The following HNRNPD variants were observed in gnomAD, a reference collection of about 807,000 sequenced individuals.
HNRNPD encodes heterogeneous nuclear ribonucleoprotein D0.
Under a neutral mutation model 47.9 loss-of-function variants are expected in HNRNPD, and 3 were observed. The ratio of observed to expected loss-of-function variants is 0.06; its 90% confidence interval spans 0.03 to 0.16. HNRNPD has a LOEUF of 0.16. HNRNPD is among the 10% of genes least tolerant of loss of function. The probability of loss-of-function intolerance (pLI) is 1.00; values close to 1 mark genes in which losing one functional copy is unlikely to be tolerated. For synonymous variants in HNRNPD, 171 were observed against 165.1 expected (o/e 1.04, Z -0.28); for missense variants, 287 against 454.2 (o/e 0.63, Z 3.35).
intron 1 of HNRNPD, among the ~76,000 whole-genome samples, chr4:82,372,135 TAC>T (rs1363985356): frequency 6.6e-6 from 1 of 151,596 alleles, no homozygotes; most frequent in African/African-American, 2.4e-5. Context: ...CCTTTCTCTT[TAC>T]AGTTAAAAAA....
chr4:82,352,802 CT>C lies in HNRNPD; in HGVS notation c.*1382del, dbSNP rs766113631. The stretch of plus-strand genomic sequence containing the variant: ...TCAATTTGGATCTATCATAAAAAAA[CT>C]TTAATAACACTAACTTTTGCTCATT... On this transcript the variant is annotated 3_prime_UTR_variant, in exon 9 of 9. Coordinates refer to ENST00000313899, the MANE Select transcript of HNRNPD (RefSeq NM_031370.3). 11 of 151,168 alleles carry C rather than the reference CT, an allele frequency of 7.3e-5. No individual in the cohort carries two copies. The highest frequency in any genetic ancestry group is 1.5e-4 in the Non-Finnish European group (10 of 67,818). 9.4% of individuals were successfully genotyped at this position (151,168 alleles called of 1,614,324 possible).
Position 82,356,524 on chromosome 4 carries a change from G to C in HNRNPD, c.1000+13C>G. The C allele has an allele frequency of 6.3e-7, 1 of 1,585,206 alleles. No homozygotes were observed. Among genetic ancestry groups the C allele is most frequent in the Non-Finnish European group, 8.6e-7 (1 of 1,156,486 alleles). ...TGTCAAATAGCAGTTAATATAAAAA[G>C]TATAGTACTTACTGCTATAATCACC... On this transcript the variant is annotated intron_variant, in intron 7 of 8. Transcript: ENST00000313899.
At chr4:82,373,332 T>G in intron 1 of HNRNPD, 114 bp downstream of exon 1, 1 of 1,336,442 alleles carries the variant, frequency 7.5e-7, no homozygotes. Context: ...GCAAGGAGGC[T>G]GCATGGGGGC....
chr4:82,365,820 G>A (rs989698213), intron 2 of HNRNPD, among the ~76,000 whole-genome samples: 1 of 110,826 alleles, frequency 9.0e-6, no homozygotes, highest in Non-Finnish European at 1.7e-5. Flanking sequence ...TCATCATGTT[G>A]CCCAGGCTGG....
At chr4:82,367,722 C>T (rs1365872) in intron 2 of HNRNPD, among the ~76,000 whole-genome samples, 8,986 of 152,172 alleles carry the variant, frequency 0.059, 334 homozygotes, top group African/African-American at 0.096. Flanking sequence ...GTCTTCCCTC[C>T]CCACCCCCAA....
Position 82,359,568 on chromosome 4 carries a change from C to A in HNRNPD, c.362G>T (p.Gly121Val). 6.2e-7 allele frequency: 1 copy of A among 1,603,806 alleles called. No individual in the cohort carries two copies. Among genetic ancestry groups the A allele is most frequent in the Non-Finnish European group, 8.5e-7 (1 of 1,172,064 alleles). ...KDLKDYFSKF[G>V]EVVDCTLKLD... is the part of the protein sequence containing the mutation. ...CTTCAGAGTGCAGTCTACAACTTCA[C>A]CAAATTTGGAAAAGTAGTCCTTCAG... is the stretch of plus-strand genomic sequence containing the variant. Residue 121 changes from glycine (G) to valine (V), a missense_variant, in exon 3 of 9, where the codon GGT becomes GTT. Physicochemically the swap from Gly to Val is moderately radical, Grantham distance 109. Transcript: ENST00000313899.
intron 2 of HNRNPD, among the ~76,000 whole-genome samples, chr4:82,361,472 T>C (rs1278373514): frequency 6.6e-6 from 1 of 152,200 alleles, no homozygotes; most frequent in Non-Finnish European, 1.5e-5. Context: ...ATTACAGAAA[T>C]TTCTCAATAA....
At chr4:82,355,192 TA>T in intron 8 of HNRNPD, 111 bp downstream of exon 8, 1 of 678,348 alleles carries the variant, frequency 1.5e-6, no homozygotes, top group Non-Finnish European at 2.6e-6. Context: ...TATAATATGG[TA>T]AGCACTTCTG....
intron 7 of HNRNPD, chr4:82,356,000 C>T (rs1467368834): frequency 1.3e-5 from 2 of 153,208 alleles, no homozygotes; most frequent in Non-Finnish European, 2.9e-5. Flanking sequence ...TACCTGACGA[C>T]TCAACAGTTG....
intron 2 of HNRNPD, among the ~76,000 whole-genome samples, chr4:82,366,705 C>G (rs777788250): frequency 1.3e-5 from 2 of 151,846 alleles, no homozygotes; most frequent in African/African-American, 4.8e-5. Context: ...TGACTACAGG[C>G]GCATGTAACC....
chr4:82,362,923 A>G (rs3972760), intron 2 of HNRNPD, among the ~76,000 whole-genome samples: 27,901 of 151,892 alleles, frequency 0.18, 2,832 homozygotes, highest in Non-Finnish European at 0.23. Context: ...TTATAGTACA[A>G]TGGGGAAAAG....
At chr4:82,362,072 G>T (rs1361502797) in intron 2 of HNRNPD, among the ~76,000 whole-genome samples, 3 of 152,098 alleles carry the variant, frequency 2.0e-5, no homozygotes, top group African/African-American at 7.2e-5. Flanking sequence ...TTTGAAATGA[G>T]ATTTTTTTCT....
intron 1 of HNRNPD, 141 bp downstream of exon 1, chr4:82,373,305 G>C (rs146612623): frequency 8.6e-7 from 1 of 1,160,702 alleles, no homozygotes; most frequent in Non-Finnish European, 1.2e-6. Context: ...ACCCAACATA[G>C]AAAAAGGGAG....
chr4:82,373,894 T>C lies in HNRNPD; in HGVS notation c.-216A>G. The C allele has an allele frequency of 1.8e-6, 2 of 1,104,520 alleles. No homozygotes were observed. Among genetic ancestry groups the C allele is most frequent in the Non-Finnish European group, 1.2e-6 (1 of 819,654 alleles). 68.4% of individuals were successfully genotyped at this position (1,104,520 alleles called of 1,614,324 possible). On this transcript the variant is annotated 5_prime_UTR_variant, in exon 1 of 9. Transcript: ENST00000313899. ...TCTCGCGCGGCGCACACTCCCGCTCTCTCCCGCTGCACTAAAAAAGAATAA... is the reference window on the plus strand; with the variant it reads ...TCTCGCGCGGCGCACACTCCCGCTCCCTCCCGCTGCACTAAAAAAGAATAA...
In HNRNPD at chr4:82,357,435, T is replaced by C. The variant is rs751196513; in HGVS notation, c.631A>G (p.Ile211Val). The C allele has an allele frequency of 2.5e-6, 4 of 1,606,526 alleles. No homozygotes were observed. Among genetic ancestry groups the C allele is most frequent in the East Asian group, 2.2e-5 (1 of 44,712 alleles). Residue 211 changes from isoleucine (I) to valine (V), a missense_variant, in exon 5 of 9, where the codon ATA (isoleucine) becomes GTA (valine). Transcript: ENST00000313899. Reference protein sequence around the residue: ...YFGGFGEVESIELPMDNKTNK... With the variant: ...YFGGFGEVESVELPMDNKTNK... ...GTCTTGTTGTCCATGGGGAGCTCTA[T>C]GGATTCCACCTGGTATTAAAAAACA...
chr4:82,358,744 T>C lies in HNRNPD; in HGVS notation c.536A>G (p.Glu179Gly). 6.2e-7 allele frequency: 1 copy of C among 1,612,932 alleles called. No homozygotes were observed. Among genetic ancestry groups the C allele is most frequent in the Admixed American group, 1.7e-5 (1 of 60,012 alleles). ...ACCAACAAAAATTTTTTTAACCGGC[T>C]CTTTTGTTTTCATGGCTTTGGCCCT... ...PKRAKAMKTK[E>G]PVKKIFVGGL... is the part of the protein sequence containing the mutation. The change falls in exon 4 of 9, where the codon GAG (glutamate) becomes GGG (glycine). Residue 179 changes from glutamate to glycine, a missense_variant. By Grantham distance (98) the Glu-to-Gly change is moderately conservative. This residue lies in a region of HNRNPD where 39 missense variants were observed against 113.1 expected (regional missense o/e 0.34). Coordinates refer to ENST00000313899, the MANE Select transcript of HNRNPD (RefSeq NM_031370.3).
rs34807755 is a variant in HNRNPD, at chr4:82,367,026, C to CTTT, written c.290+4499_290+4501dup. Reference sequence around the variant, plus strand: ...CAAACACACCCCCCAACACACTAGCCTTTTTTTTTTTTTTTTTTTTAAAGA... The same window carrying CTTT: ...CAAACACACCCCCCAACACACTAGCCTTTTTTTTTTTTTTTTTTTTTTTAAAGA... On this transcript the variant is annotated intron_variant, in intron 2 of 8. Coordinates refer to ENST00000313899, the MANE Select transcript of HNRNPD (RefSeq NM_031370.3). Among the ~76,000 whole-genome samples, 1,228 of 128,094 alleles carry CTTT rather than the reference C, an allele frequency of 9.6e-3. 23 individuals are homozygous for CTTT. Among genetic ancestry groups the CTTT allele is most frequent in the African/African-American group, 0.025 (811 of 32,252 alleles). The allele number at this position is 128,094 out of a possible 152,430, so 84.0% of individuals were successfully genotyped here. A position where few individuals can be genotyped will look rare whatever the true frequency, so the allele number is the denominator to read the frequency against.
rs1723619910 is a variant in HNRNPD at position 82,354,088 on chromosome 4, T to A, written c.*97A>T. 1.3e-5 allele frequency: 2 copies of A among 152,676 alleles called. No individual in the cohort carries two copies. The highest frequency in any genetic ancestry group is 1.3e-4 in the Admixed American group (2 of 15,286). The allele number at this position is 152,676 out of a possible 1,614,324, so 9.5% of individuals were successfully genotyped here. ...TTGATACAAAAAATTTAGTTTGAAC[T>A]GCTATTAGCAGGTGGCAGGAGCCAC... On this transcript the variant is annotated 3_prime_UTR_variant, in exon 9 of 9. Coordinates refer to ENST00000313899, the MANE Select transcript of HNRNPD (RefSeq NM_031370.3).
chr4:82,367,747 C>A (rs1193759573), intron 2 of HNRNPD, among the ~76,000 whole-genome samples: 1 of 152,180 alleles, frequency 6.6e-6, no homozygotes, highest in Non-Finnish European at 1.5e-5. Context: ...TCTTAAATAC[C>A]TAGCTCCAAC....
Sources: allele counts gnomAD v4.1 joint callset (sites outside exome capture counted in the v4.1 genomes callset), GRCh38; gene constraint gnomAD v4.1.1; regional missense constraint gnomAD v4.1.1; transcripts MANE v1.5; gene names NCBI Gene and HGNC (gene_info 2026-07-23, HGNC 2026-07-21).